The following BZW1 variants were observed in gnomAD, a reference collection of about 807,000 sequenced individuals.
BZW1 encodes basic leucine zipper and W2 domains 1, also known as eIF5-mimic protein 2.
BZW1 carries 3 observed loss-of-function variants against 54.1 expected under a neutral mutation model. That is an observed-to-expected ratio of 0.06 (90% confidence interval 0.03 to 0.14). BZW1 has a LOEUF of 0.14. BZW1 is among the 10% of genes least tolerant of loss of function. The pLI is 1.00. For synonymous variants in BZW1, 152 were observed against 162.7 expected (o/e 0.93, Z 0.50); for missense variants, 206 against 491.7 (o/e 0.42, Z 5.50).
At chr2:200,816,849 A>G (rs528418253) in intron 5 of BZW1, among the ~76,000 whole-genome samples, 6 of 152,312 alleles carry the variant, frequency 3.9e-5, no homozygotes, top group African/African-American at 1.2e-4. Context: ...GCACTGTTCT[A>G]ATGATACTAA....
At chr2:200,820,700 C>G (rs2038477371) in intron 10 of BZW1, among the ~76,000 whole-genome samples, 1 of 152,114 alleles carries the variant, frequency 6.6e-6, no homozygotes, top group Middle Eastern at 3.4e-3. Context: ...AAAAAATCCC[C>G]AAGTCCCTTT....
At position 200,826,894 on chromosome 2, in the gene BZW1, G is replaced by T. The variant is rs1481553339; in HGVS notation, c.*4716G>T. 6.6e-6 allele frequency: 1 copy of T among 151,780 alleles called. No individual in the cohort carries two copies. Among genetic ancestry groups the T allele is most frequent in the Non-Finnish European group, 1.5e-5 (1 of 67,960 alleles). The allele number at this position is 151,780 out of a possible 1,614,324, so 9.4% of individuals were successfully genotyped here. On this transcript the variant is annotated 3_prime_UTR_variant, in exon 12 of 12. Transcript: ENST00000409600. ...AAAAATACCTTGGCAAAACAAGCTA[G>T]GAGCTAGTTCATGCTAATATTCTTA...
intron 4 of BZW1, 49 bp from the exon 5 acceptor site, chr2:200,816,276 T>C: frequency 7.3e-7 from 1 of 1,377,330 alleles, no homozygotes; most frequent in Non-Finnish European, 1.0e-6. Flanking sequence ...ACTACTTTGC[T>C]ATTCTAGAAA....
rs770211484 is a variant in BZW1, at chr2:200,817,138, G to A, written c.435G>A (p.Ser145=). The change falls in exon 6 of 12, where the codon TCG becomes TCA. Residue 145 remains serine (S), a synonymous_variant. Coordinates refer to ENST00000409600, the MANE Select transcript of BZW1 (RefSeq NM_001207067.2). ...TGTTCTTGAAGGGTTTTTCAGAGTCGGAGAGGAACAAGCTAGCTATGTTGA... is the reference window on the plus strand; with the variant it reads ...TGTTCTTGAAGGGTTTTTCAGAGTCAGAGAGGAACAAGCTAGCTATGTTGA... ...LLLFLKGFSE[S]ERNKLAMLTG... The A allele has an allele frequency of 7.4e-6, 12 of 1,613,668 alleles. No homozygotes were observed. The East Asian group carries it at 1.1e-4, about 15-fold the overall frequency.
intron 8 of BZW1, 35 bp from the exon 9 acceptor site, chr2:200,818,720 C>CT (rs1366697189): frequency 6.4e-7 from 1 of 1,565,470 alleles, no homozygotes; most frequent in East Asian, 2.3e-5. Context: ...ATAATCAAAA[C>CT]TGACTTCTGT....
At position 200,812,180 on chromosome 2, in the gene BZW1, C is replaced by G. The variant is rs971053108; in HGVS notation, c.-11+190C>G. On this transcript the variant is annotated intron_variant, in intron 1 of 11. Coordinates refer to ENST00000409600, the MANE Select transcript of BZW1 (RefSeq NM_001207067.2). The stretch of plus-strand genomic sequence containing the variant: ...CGGCAGGGAGGCCGAGGGGTAGCGG[C>G]GGCCCGGGTGGGGAGGTGGGGTCCG... 5.5e-5 allele frequency: 66 copies of G among 1,198,930 alleles called. No individual in the cohort carries two copies. In the African/African-American group the frequency reaches 9.6e-4, roughly 17 times the overall value. 74.3% of individuals were successfully genotyped at this position (1,198,930 alleles called of 1,614,324 possible).
rs138105940 is a variant in BZW1, at chr2:200,817,715, G to T, written c.539-259G>T. ...TTACTGTAATTCTCACAACAGTCTT[G>T]TCAAGTGTAGAGACTGTTGCCCTCA... is the stretch of plus-strand genomic sequence containing the variant. On this transcript the variant is annotated intron_variant, in intron 6 of 11. Coordinates refer to ENST00000409600, the MANE Select transcript of BZW1 (RefSeq NM_001207067.2). Among the ~76,000 whole-genome samples, 38 of 151,832 alleles carry T rather than the reference G, an allele frequency of 2.5e-4. No homozygotes were observed. The East Asian group carries it at 7.0e-3, about 28-fold the overall frequency.
chr2:200,819,235 C>CA (rs1168494218), intron 9 of BZW1: 5 of 230,734 alleles, frequency 2.2e-5, no homozygotes, highest in African/African-American at 7.1e-5. Context: ...CTAAAAATCA[C>CA]AAAAAATAGC....
intron 2 of BZW1, among the ~76,000 whole-genome samples, chr2:200,814,257 C>A (rs2038207889): frequency 6.6e-6 from 1 of 152,190 alleles, no homozygotes; most frequent in Non-Finnish European, 1.5e-5. Context: ...CTTTAGCATT[C>A]TTATTATTAG....
intron 8 of BZW1, 124 bp from the exon 9 acceptor site, chr2:200,818,631 C>G: frequency 1.8e-6 from 2 of 1,138,864 alleles, no homozygotes; most frequent in Non-Finnish European, 1.2e-6. Flanking sequence ...ATATGTGGTA[C>G]ACATGTGGTT....
intron 11 of BZW1, 50 bp from the exon 12 acceptor site, chr2:200,822,097 C>A: frequency 1.3e-6 from 2 of 1,525,056 alleles, no homozygotes; most frequent in South Asian, 2.3e-5. Flanking sequence ...TAAATGGGAA[C>A]TTTTGCCTTC....
At chr2:200,812,207 G>A (rs2038091543) in intron 1 of BZW1, 4 of 1,225,272 alleles carry the variant, frequency 3.3e-6, no homozygotes, top group East Asian at 3.2e-5. Flanking sequence ...TGGGGTCCGG[G>A]TGTGCGCCGC....
Position 200,817,257 on chromosome 2 carries a change from G to A in BZW1, c.538+16G>A, listed in dbSNP as rs758603811. 6.2e-7 allele frequency: 1 copy of A among 1,610,724 alleles called. No individual in the cohort carries two copies. Among genetic ancestry groups the A allele is most frequent in the Non-Finnish European group, 8.5e-7 (1 of 1,179,534 alleles). On this transcript the variant is annotated intron_variant, in intron 6 of 11. Transcript: ENST00000409600. ...GTTAAAGAAGGTAATCAGCCTTAAA[G>A]GATGGTCTTCAGTTGACTCAGAGTG... is the stretch of plus-strand genomic sequence containing the variant.
chr2:200,811,989 C>CG lies in BZW1; in HGVS notation c.-11+1dup. 2.7e-6 allele frequency: 1 copy of CG among 367,114 alleles called. No individual in the cohort carries two copies. The highest frequency in any genetic ancestry group is 1.5e-4 in the South Asian group (1 of 6,834). The allele number at this position is 367,114 out of a possible 1,614,324, so 22.7% of individuals were successfully genotyped here. On this transcript the variant is annotated splice_region_variant and 5_prime_UTR_variant, in exon 1 of 12. Coordinates refer to ENST00000409600, the MANE Select transcript of BZW1 (RefSeq NM_001207067.2). ...GGCTCTTTCCTCTTCGCCTTAAATT[C>CG]GGTGAGACGCGGCGCCCCGCTCACC... is the stretch of plus-strand genomic sequence containing the variant.
chr2:200,821,669 GAT>G (rs2038520917), intron 11 of BZW1, among the ~76,000 whole-genome samples: 2 of 152,072 alleles, frequency 1.3e-5, no homozygotes, highest in Non-Finnish European at 2.9e-5. Context: ...AAAGTACAGG[GAT>G]TGCAGATGTG....
intron 2 of BZW1, among the ~76,000 whole-genome samples, chr2:200,814,667 G>A (rs2038221393): frequency 2.0e-5 from 3 of 152,198 alleles, no homozygotes; most frequent in South Asian, 4.1e-4. Flanking sequence ...GGCATGGCGA[G>A]TGAGACTATT....
chr2:200,819,687 A>C (rs1007093116), intron 9 of BZW1, among the ~76,000 whole-genome samples: 1 of 151,636 alleles, frequency 6.6e-6, no homozygotes, highest in Non-Finnish European at 1.5e-5. Context: ...CGGCCTCCCA[A>C]GTAGTGCCTG....
chr2:200,818,306 T>C lies in BZW1; in HGVS notation c.732T>C (p.Tyr244=). 1.2e-6 allele frequency: 2 copies of C among 1,612,024 alleles called. No individual in the cohort carries two copies. The highest frequency in any genetic ancestry group is 1.7e-6 in the Non-Finnish European group (2 of 1,179,370). Reference sequence around the variant, plus strand: ...CAGGCTTGAAAGAGCTTTCAGAATATGTTCGGAATCAGCAAACCATCGGAG... The same window carrying C: ...CAGGCTTGAAAGAGCTTTCAGAATACGTTCGGAATCAGCAAACCATCGGAG... ...TEAGLKELSE[Y]VRNQQTIGAR... Residue 244 remains tyrosine, a synonymous_variant, in exon 8 of 12, where the codon TAT becomes TAC. Coordinates refer to ENST00000409600, the MANE Select transcript of BZW1 (RefSeq NM_001207067.2).
Position 200,818,744 on chromosome 2 carries a change from T to C in BZW1, c.820-11T>C. 6.4e-7 allele frequency: 1 copy of C among 1,574,284 alleles called. No homozygotes were observed. Among genetic ancestry groups the C allele is most frequent in the Non-Finnish European group, 8.5e-7 (1 of 1,169,700 alleles). On this transcript the variant is annotated splice_polypyrimidine_tract_variant and intron_variant, in intron 8 of 11. Coordinates refer to ENST00000409600, the MANE Select transcript of BZW1 (RefSeq NM_001207067.2). ...ACTGACTTCTGTTACTAAATTTGGATTCATTTGCAGATAATTTTATATGTC... is the reference window on the plus strand; with the variant it reads ...ACTGACTTCTGTTACTAAATTTGGACTCATTTGCAGATAATTTTATATGTC...
Sources: gnomAD v4.1 joint callset for allele counts (sites outside exome capture counted in the v4.1 genomes callset) on GRCh38, gnomAD v4.1.1 for gene constraint, MANE v1.5 for transcripts, NCBI Gene and HGNC (gene_info 2026-07-23, HGNC 2026-07-21) for gene names.